Variants in CTNNA3 observed in about 807,000 individuals in gnomAD.
CTNNA3 encodes catenin alpha 3, also known as catenin alpha-3.
CTNNA3 carries 76 observed loss-of-function variants against 95.7 expected under a neutral mutation model. That is an observed-to-expected ratio of 0.79 (90% CI 0.66 to 0.96). The LOEUF (loss-of-function observed/expected upper bound fraction) is 0.96. Among genes scored for constraint, CTNNA3 ranks in the 40% least tolerant of loss-of-function variants. The pLI is 0.00. For missense variants in CTNNA3, 1,191 were observed against 1,089.8 expected (o/e 1.09, Z -1.31); for synonymous variants, 431 against 374.4 (o/e 1.15, Z -1.74).
At chr10:66,899,248 T>C (rs944092495) in intron 7 of CTNNA3, among the ~76,000 whole-genome samples, 2 of 152,182 alleles carry the variant, frequency 1.3e-5, no homozygotes, top group East Asian at 3.9e-4. Flanking sequence ...GGAACCTTTG[T>C]CCACTGTTAA....
chr10:66,482,465 C>T (rs968728376), intron 11 of CTNNA3, among the ~76,000 whole-genome samples: 1 of 151,946 alleles, frequency 6.6e-6, no homozygotes, highest in East Asian at 1.9e-4. Flanking sequence ...ATGAAGAAAC[C>T]AAAGCTTAGG....
In CTNNA3 at chr10:66,508,210, G is replaced by GTTTTTTTTTT. The variant is rs756807793; in HGVS notation, c.1531+12397_1531+12406dup. Among the ~76,000 whole-genome samples, 85 of 108,408 alleles carry GTTTTTTTTTT rather than the reference G, an allele frequency of 7.8e-4. 2 individuals are homozygous for GTTTTTTTTTT. Among genetic ancestry groups the GTTTTTTTTTT allele is most frequent in the African/African-American group, 2.6e-3 (74 of 28,302 alleles). 71.1% of individuals were successfully genotyped at this position (108,408 alleles called of 152,430 possible). Reference sequence around the variant, plus strand: ...TTTTTTTTGTTTTGTTTTGTTTTCTGTTTTTTTTTTTTTTAACAATTTCGT... The same window carrying GTTTTTTTTTT: ...TTTTTTTTGTTTTGTTTTGTTTTCTGTTTTTTTTTTTTTTTTTTTTTTTTAACAATTTCGT... On this transcript the variant is annotated intron_variant, in intron 11 of 17. Transcript: ENST00000433211.
At chr10:67,738,042 A>T (rs1841312898) in intron 1 of CTNNA3, among the ~76,000 whole-genome samples, 1 of 152,218 alleles carries the variant, frequency 6.6e-6, no homozygotes, top group Admixed American at 6.5e-5. Context: ...TTCACTGGTG[A>T]TACTTCCAGG....
intron 10 of CTNNA3, among the ~76,000 whole-genome samples, chr10:66,572,520 T>C (rs919261317): frequency 2.0e-5 from 3 of 151,532 alleles, no homozygotes; most frequent in African/African-American, 7.3e-5. Flanking sequence ...TTGAATATGA[T>C]TGATAATCAC....
At chr10:66,089,532 C>A (rs936139600) in intron 14 of CTNNA3, among the ~76,000 whole-genome samples, 29 of 151,714 alleles carry the variant, frequency 1.9e-4, no homozygotes, top group African/African-American at 7.0e-4. Context: ...CTCTGGTTCG[C>A]CTTTACCTTA....
At chr10:66,608,539 T>G (rs149839292) in intron 10 of CTNNA3, among the ~76,000 whole-genome samples, 1 of 152,014 alleles carries the variant, frequency 6.6e-6, no homozygotes, top group Non-Finnish European at 1.5e-5. Flanking sequence ...GCTACTAGCT[T>G]CAAACTATGC....
intron 3 of CTNNA3, among the ~76,000 whole-genome samples, chr10:67,568,529 A>C (rs1253371623): frequency 2.0e-5 from 3 of 151,840 alleles, no homozygotes; most frequent in Non-Finnish European, 4.4e-5. Context: ...ACACATATAT[A>C]TATGCATATT....
chr10:66,231,077 T>G (rs975201936), intron 13 of CTNNA3, among the ~76,000 whole-genome samples: 1 of 152,074 alleles, frequency 6.6e-6, no homozygotes, highest in Non-Finnish European at 1.5e-5. Context: ...GGACCCAATG[T>G]GAATTTTCTT....
intron 7 of CTNNA3, among the ~76,000 whole-genome samples, chr10:66,949,929 C>T (rs891840200): frequency 6.6e-6 from 1 of 152,214 alleles, no homozygotes; most frequent in African/African-American, 2.4e-5. Flanking sequence ...TAAAGCCAGA[C>T]ATTAAATAGA....
At chr10:66,581,839 G>C (rs769602851) in intron 10 of CTNNA3, among the ~76,000 whole-genome samples, 29 of 151,734 alleles carry the variant, frequency 1.9e-4, no homozygotes, top group Non-Finnish European at 3.4e-4. Flanking sequence ...TCTAGTGAGA[G>C]ACAGAGATCC....
At chr10:66,515,627 T>A (rs1360786289) in intron 11 of CTNNA3, among the ~76,000 whole-genome samples, 1 of 152,082 alleles carries the variant, frequency 6.6e-6, no homozygotes, top group Non-Finnish European at 1.5e-5. Context: ...TTTAATTGAC[T>A]CACAGTTCCA....
At chr10:67,234,596 C>G (rs962039229) in intron 5 of CTNNA3, among the ~76,000 whole-genome samples, 3 of 151,868 alleles carry the variant, frequency 2.0e-5, no homozygotes, top group African/African-American at 7.3e-5. Context: ...CCTTTGAAAA[C>G]TGGCACAAGA....
chr10:67,518,700 C>T (rs1839894997), intron 5 of CTNNA3, among the ~76,000 whole-genome samples: 1 of 151,986 alleles, frequency 6.6e-6, no homozygotes, highest in Non-Finnish European at 1.5e-5. Context: ...ATTATCAAAC[C>T]TTATTTTGTT....
chr10:67,703,316 AC>A, intron 1 of CTNNA3, among the ~76,000 whole-genome samples: 1 of 148,036 alleles, frequency 6.8e-6, no homozygotes, highest in African/African-American at 2.6e-5. Flanking sequence ...TGGCAGAGAC[AC>A]AACCAAAAAG....
chr10:66,675,696 A>C (rs2132484746), intron 9 of CTNNA3, among the ~76,000 whole-genome samples: 1 of 152,258 alleles, frequency 6.6e-6, no homozygotes, highest in African/African-American at 2.4e-5. Flanking sequence ...TATGGTCAAG[A>C]GTGGTTATGT....
intron 1 of CTNNA3, among the ~76,000 whole-genome samples, chr10:67,736,134 C>T (rs1473152123): frequency 6.6e-6 from 1 of 152,088 alleles, no homozygotes; most frequent in African/African-American, 2.4e-5. Flanking sequence ...AATTCTGATA[C>T]ATGCTATAAC....
chr10:66,417,553 T>C (rs2093157473), intron 11 of CTNNA3, among the ~76,000 whole-genome samples: 1 of 152,000 alleles, frequency 6.6e-6, no homozygotes, highest in East Asian at 1.9e-4. Flanking sequence ...TAGAACATTT[T>C]ATCCAACAAC....
At chr10:65,944,928 T>A (rs1454539150) in intron 17 of CTNNA3, among the ~76,000 whole-genome samples, 1 of 151,556 alleles carries the variant, frequency 6.6e-6, no homozygotes, top group East Asian at 1.9e-4. Flanking sequence ...TTATCATCTA[T>A]CTATAAATAT....
chr10:66,314,290 A>G (rs1014855794), intron 12 of CTNNA3, among the ~76,000 whole-genome samples: 27 of 152,234 alleles, frequency 1.8e-4, no homozygotes, highest in African/African-American at 6.3e-4. Context: ...TGATGATGCC[A>G]TGATGAAATA....
Sources: allele counts gnomAD v4.1 joint callset (sites outside exome capture counted in the v4.1 genomes callset), GRCh38; gene constraint gnomAD v4.1.1; transcripts MANE v1.5; gene names NCBI Gene and HGNC (gene_info 2026-07-23, HGNC 2026-07-21).